The following DOP1A variants were observed in gnomAD, a reference collection of about 807,000 sequenced individuals.
DOP1A encodes the protein DOP1 leucine zipper like protein A, also known as protein DOP1A.
In DOP1A, 90 loss-of-function variants were observed where a neutral mutation model predicts 267.6. The ratio of observed to expected loss-of-function variants is 0.34; its 90% CI spans 0.28 to 0.40. The LOEUF (loss-of-function observed/expected upper bound fraction) is 0.40. DOP1A is among the 10% of genes least tolerant of loss of function. DOP1A has a pLI of 1.00. For synonymous variants in DOP1A, 932 were observed against 999.1 expected (o/e 0.93, Z 1.27); for missense variants, 2,437 against 2,900.4 (o/e 0.84, Z 3.67).
intron 36 of DOP1A, 36 bp from the exon 37 acceptor site, chr6:83,159,758 TGG>T (rs755128008): frequency 2.5e-6 from 4 of 1,612,060 alleles, no homozygotes; most frequent in Non-Finnish European, 3.4e-6. Flanking sequence ...TGTGAGTAAA[TGG>T]GTCCAGCTGC....
downstream of DOP1A, chr6:83,168,652 A>G: frequency 1.0e-6 from 1 of 995,984 alleles, no homozygotes; most frequent in Non-Finnish European, 1.2e-6. Context: ...AGGCTGGACC[A>G]TGCATCCTTA....
intron 3 of DOP1A, among the ~76,000 whole-genome samples, chr6:83,098,463 A>G (rs891604584): frequency 1.3e-5 from 2 of 152,108 alleles, no homozygotes; most frequent in African/African-American, 2.4e-5. Context: ...GCCTCATAAG[A>G]CTGTCCTCCT....
chr6:83,076,227 A>G (rs1767062738), intron 1 of DOP1A, among the ~76,000 whole-genome samples: 1 of 152,226 alleles, frequency 6.6e-6, no homozygotes, highest in Admixed American at 6.5e-5. Flanking sequence ...CAGCAAACAT[A>G]TGAAAAGATA....
chr6:83,100,346 G>A (rs745937813), intron 3 of DOP1A, among the ~76,000 whole-genome samples: 18 of 152,000 alleles, frequency 1.2e-4, no homozygotes, highest in Admixed American at 2.0e-4. Flanking sequence ...ATTGAAGGCT[G>A]TAACTTTCCA....
intron 7 of DOP1A, among the ~76,000 whole-genome samples, chr6:83,114,734 G>T (rs145990292): frequency 6.6e-6 from 1 of 152,042 alleles, no homozygotes; most frequent in African/African-American, 2.4e-5. Flanking sequence ...TTCTCAGCCT[G>T]TACTTTCTTA....
At chr6:83,136,499 A>G (rs1049828146) in intron 20 of DOP1A, among the ~76,000 whole-genome samples, 3 of 152,080 alleles carry the variant, frequency 2.0e-5, no homozygotes, top group Non-Finnish European at 4.4e-5. Flanking sequence ...TGTGGTGGTA[A>G]TGAAAAGATC....
rs77104704 is a variant in DOP1A at position 83,084,197 on chromosome 6, A to C, written c.-146-12534A>C. The stretch of plus-strand genomic sequence containing the variant: ...AACAGTGGTCCCGTAAGGTTTTAAT[A>C]CTGTATTTTACTGTACTTTTCTATT... On this transcript the variant is annotated intron_variant, in intron 1 of 38. Coordinates refer to ENST00000349129, the MANE Select transcript of DOP1A (RefSeq NM_015018.4). 9.2e-3 allele frequency among the ~76,000 whole-genome samples: 1,396 copies of C among 152,300 alleles called. 16 individuals are homozygous for C. The highest frequency in any genetic ancestry group is 0.032 in the African/African-American group (1,343 of 41,560).
chr6:83,070,808 A>G (rs1236500516), intron 1 of DOP1A, among the ~76,000 whole-genome samples: 2 of 152,156 alleles, frequency 1.3e-5, no homozygotes, highest in Admixed American at 6.5e-5. Flanking sequence ...TTTGTTGACC[A>G]AATGGATTAA....
At chr6:83,113,581 A>T (rs966664537) in intron 7 of DOP1A, among the ~76,000 whole-genome samples, 160 bp downstream of exon 7, 1 of 150,982 alleles carries the variant, frequency 6.6e-6, no homozygotes, top group African/African-American at 2.5e-5. Flanking sequence ...ATTTGTTGTG[A>T]AAAAAAACTA....
chr6:83,101,681 C>T (rs1008522143), intron 4 of DOP1A, among the ~76,000 whole-genome samples: 1 of 152,140 alleles, frequency 6.6e-6, no homozygotes, highest in East Asian at 1.9e-4. Context: ...GCAGCACCTT[C>T]TTATATTTTC....
At position 83,153,515 on chromosome 6, in the gene DOP1A, T is replaced by A; in HGVS notation, c.6134T>A (p.Leu2045Ter). The change falls in exon 31 of 39, where the codon TTG becomes TAG. Residue 2045 changes from leucine to a stop codon, truncating the protein, a stop_gained. Transcript: ENST00000349129. LOFTEE classifies it high-confidence loss of function. ...VHALTLLSEV[L>*]AHLLDMVFYS... is the part of the protein sequence containing the mutation. ...TCATTTTTTATGTTTTCATAGGTTTTGGCTCATCTTTTGGATATGGTTTTC... is the reference window on the plus strand; with the variant it reads ...TCATTTTTTATGTTTTCATAGGTTTAGGCTCATCTTTTGGATATGGTTTTC... 6.3e-7 allele frequency: 1 copy of A among 1,596,350 alleles called. No homozygotes were observed. Among genetic ancestry groups the A allele is most frequent in the Non-Finnish European group, 8.5e-7 (1 of 1,172,174 alleles).
At chr6:83,122,465 G>A (rs1374302341) in intron 11 of DOP1A, among the ~76,000 whole-genome samples, 2 of 151,806 alleles carry the variant, frequency 1.3e-5, no homozygotes, top group Non-Finnish European at 2.9e-5. Flanking sequence ...AATAGCACAG[G>A]GAAGCAGACA....
chr6:83,088,468 G>A (rs1272260238), intron 1 of DOP1A, among the ~76,000 whole-genome samples: 1 of 145,590 alleles, frequency 6.9e-6, no homozygotes, highest in Non-Finnish European at 1.5e-5. Context: ...CTGTCCCCAG[G>A]CTGGAGTGCA....
At chr6:83,115,593 G>A (rs979908628) in intron 7 of DOP1A, among the ~76,000 whole-genome samples, 33 of 152,096 alleles carry the variant, frequency 2.2e-4, no homozygotes, top group Non-Finnish European at 4.1e-4. Flanking sequence ...GCATGGTGGC[G>A]GGCGCCTGTA....
Position 83,113,427 on chromosome 6 carries a change from ATATTAACGCCGATGT to A in DOP1A, c.780+12_780+26del. On this transcript the variant is annotated splice_region_variant and intron_variant, in intron 7 of 38. Coordinates refer to ENST00000349129, the MANE Select transcript of DOP1A (RefSeq NM_015018.4). ...TTCCATTCCACATGAGTCAGGTAAA[ATATTAACGCCGATGT>A]TATTATAAGGCATTCTTGGAAAACT... The A allele has an allele frequency of 6.2e-7, 1 of 1,609,920 alleles. No individual in the cohort carries two copies. The highest frequency in any genetic ancestry group is 8.5e-7 in the Non-Finnish European group (1 of 1,176,376).
At chr6:83,074,216 A>C (rs942993811) in intron 1 of DOP1A, among the ~76,000 whole-genome samples, 9 of 151,492 alleles carry the variant, frequency 5.9e-5, no homozygotes, top group African/African-American at 2.2e-4. Flanking sequence ...ACTTTGACAA[A>C]TTCTTAGTCT....
intron 1 of DOP1A, among the ~76,000 whole-genome samples, chr6:83,094,514 C>G (rs1306826163): frequency 1.3e-5 from 2 of 152,178 alleles, no homozygotes; most frequent in African/African-American, 4.8e-5. Flanking sequence ...AATTTATGTT[C>G]CTCCAGCAGT....
At chr6:83,102,150 TCTC>T (rs1212843133) in intron 4 of DOP1A, among the ~76,000 whole-genome samples, 1 of 152,178 alleles carries the variant, frequency 6.6e-6, no homozygotes, top group Non-Finnish European at 1.5e-5. Context: ...ACTTTCCTCT[TCTC>T]CTATTGACCT....
intron 38 of DOP1A, among the ~76,000 whole-genome samples, chr6:83,164,013 AC>A (rs1375625438): frequency 6.6e-6 from 1 of 150,804 alleles, no homozygotes; most frequent in Admixed American, 6.6e-5. Flanking sequence ...TTTGTTATTA[AC>A]CTTTTGTCAA....
Sources: gnomAD v4.1 joint callset for allele counts (sites outside exome capture counted in the v4.1 genomes callset) on GRCh38, gnomAD v4.1.1 for gene constraint, MANE v1.5 for transcripts, NCBI Gene and HGNC (gene_info 2026-07-23, HGNC 2026-07-21) for gene names.